INPP4B: variants seen among roughly 807,000 people sequenced by gnomAD.
INPP4B encodes the protein inositol polyphosphate-4-phosphatase type II B, also known as inositol polyphosphate 4-phosphatase type II.
Under a neutral mutation model 122.5 loss-of-function variants are expected in INPP4B, and 55 were observed. That is an observed-to-expected ratio of 0.45 (90% CI 0.36 to 0.56). The LOEUF (loss-of-function observed/expected upper bound fraction) is 0.56. Ranked by LOEUF, INPP4B falls within the 20% of genes least tolerant of loss-of-function variation. The pLI, the probability that INPP4B is intolerant of heterozygous loss-of-function variation, is 0.00. For synonymous variants in INPP4B, 403 were observed against 388.7 expected, an observed-to-expected ratio of 1.04 and a Z score of -0.43; for missense variants, 1,000 against 1,097.7, an observed-to-expected ratio of 0.91 and a Z score of 1.26.
At chr4:142,703,313 C>A (rs1485245611) in intron 2 of INPP4B, among the ~76,000 whole-genome samples, 1 of 152,076 alleles carries the variant, frequency 6.6e-6, no homozygotes, top group Non-Finnish European at 1.5e-5. Flanking sequence ...AAATAGTTTT[C>A]CATTTTTAAA....
chr4:142,040,845 GTTTGTCATTCTCC>G (rs1747001853), intron 25 of INPP4B, among the ~76,000 whole-genome samples: 1 of 152,156 alleles, frequency 6.6e-6, no homozygotes, highest in African/African-American at 2.4e-5. Context: ...CACTGCTCTA[GTTTGTCATTCTCC>G]TGGAGTCTGG....
chr4:142,806,509 A>AG (rs944652455), intron 1 of INPP4B, among the ~76,000 whole-genome samples: 1 of 151,878 alleles, frequency 6.6e-6, no homozygotes, highest in South Asian at 2.1e-4. Context: ...TGGGAGGCCA[A>AG]GGGGGGTGAA....
intron 11 of INPP4B, among the ~76,000 whole-genome samples, chr4:142,244,395 G>A (rs1176793405): frequency 6.9e-6 from 1 of 144,088 alleles, no homozygotes; most frequent in Non-Finnish European, 1.5e-5. Flanking sequence ...CGCCTCCTAG[G>A]TTCACGTCAT....
rs1761356231 is a variant in INPP4B, at chr4:142,062,289, C to T, written c.2642+19742G>A. Among the ~76,000 whole-genome samples the T allele has an allele frequency of 2.0e-5, 3 of 149,032 alleles. No individual in the cohort carries two copies. In the South Asian group the frequency reaches 6.2e-4, roughly 31 times the overall value. On this transcript the variant is annotated intron_variant, in intron 25 of 25. Transcript: ENST00000262992. ...CATCATCATCACAGCACCACACCAT[C>T]ATCACAGCACCACACCATCACACCA...
intron 7 of INPP4B, among the ~76,000 whole-genome samples, chr4:142,398,376 T>TAA (rs1183246808): frequency 1.9e-3 from 17 of 8,858 alleles, no homozygotes; most frequent in South Asian, 9.6e-3. Context: ...AGACTCTGTC[T>TAA]AAAAAAAAAA....
intron 2 of INPP4B, among the ~76,000 whole-genome samples, chr4:142,651,237 T>C (rs577016553): frequency 2.0e-4 from 30 of 152,226 alleles, no homozygotes; most frequent in Admixed American, 1.8e-3. Context: ...GGAGGAAAAT[T>C]TATAGCACTA....
chr4:142,149,760 C>T (rs544070789), intron 17 of INPP4B, among the ~76,000 whole-genome samples: 1 of 152,216 alleles, frequency 6.6e-6, no homozygotes, highest in African/African-American at 2.4e-5. Flanking sequence ...GTCTTATAAG[C>T]AGGGATAGAG....
At position 142,170,221 on chromosome 4, in the gene INPP4B, C is replaced by T. The variant is rs985328818; in HGVS notation, c.1359+3411G>A. On this transcript the variant is annotated intron_variant, in intron 16 of 25. Coordinates refer to ENST00000262992, the MANE Select transcript of INPP4B (RefSeq NM_001101669.3). Reference sequence around the variant, plus strand: ...GCTTGGCTTTTGTTAGATTCTTACACCATAAGATTATACTATTCTTTAATA... The same window carrying T: ...GCTTGGCTTTTGTTAGATTCTTACATCATAAGATTATACTATTCTTTAATA... 2.6e-5 allele frequency among the ~76,000 whole-genome samples: 4 copies of T among 151,520 alleles called. No individual in the cohort carries two copies. In the South Asian group the frequency reaches 8.3e-4, roughly 31 times the overall value.
At chr4:142,783,037 G>A (rs1252794434) in intron 1 of INPP4B, among the ~76,000 whole-genome samples, 15 of 151,840 alleles carry the variant, frequency 9.9e-5, no homozygotes, top group South Asian at 2.1e-4. Flanking sequence ...AGACTTAAAC[G>A]TTAGACCTAA....
chr4:142,445,146 C>G (rs1442056548), intron 3 of INPP4B, among the ~76,000 whole-genome samples: 4 of 151,882 alleles, frequency 2.6e-5, no homozygotes, highest in Admixed American at 2.6e-4. Context: ...CAAACCTACA[C>G]GTTCTGCACA....
chr4:142,098,668 T>C (rs1783136855), intron 23 of INPP4B, among the ~76,000 whole-genome samples: 1 of 152,006 alleles, frequency 6.6e-6, no homozygotes, highest in African/African-American at 2.4e-5. Context: ...AGGGTGGCTA[T>C]TTTTTTCCCC....
chr4:142,846,422 G>C (rs913665478), upstream of INPP4B: 1 of 152,384 alleles, frequency 6.6e-6, no homozygotes, highest in Non-Finnish European at 1.5e-5. The surrounding 1 kb of genome is among the most constrained non-coding windows in gnomAD (Gnocchi z 5.1). Flanking sequence ...GCTTCGCGAG[G>C]CTCCAGCAGC....
At chr4:142,628,193 A>T (rs1246743721) in intron 2 of INPP4B, among the ~76,000 whole-genome samples, 2 of 149,948 alleles carry the variant, frequency 1.3e-5, no homozygotes, top group African/African-American at 4.9e-5. Flanking sequence ...TGGATTAAGA[A>T]AATGTGGCAC....
At chr4:142,692,897 A>G (rs969781082) in intron 2 of INPP4B, among the ~76,000 whole-genome samples, 2 of 149,938 alleles carry the variant, frequency 1.3e-5, no homozygotes, top group African/African-American at 4.9e-5. Flanking sequence ...ATTAAAACCT[A>G]TATTTAGGCT....
intron 1 of INPP4B, among the ~76,000 whole-genome samples, chr4:142,737,691 G>T (rs1767176506): frequency 6.6e-6 from 1 of 151,890 alleles, no homozygotes; most frequent in South Asian, 2.1e-4. Context: ...CAGAATGGGA[G>T]AAAATTTTTA....
At chr4:142,084,944 A>G (rs1463678589) in intron 24 of INPP4B, among the ~76,000 whole-genome samples, 1 of 152,188 alleles carries the variant, frequency 6.6e-6, no homozygotes, top group Non-Finnish European at 1.5e-5. Flanking sequence ...TTTATGACCT[A>G]CCATTGTGAA....
chr4:142,524,964 G>A (rs1455325347), intron 2 of INPP4B, among the ~76,000 whole-genome samples: 1 of 152,038 alleles, frequency 6.6e-6, no homozygotes, highest in African/African-American at 2.4e-5. Flanking sequence ...GTTTGCAGAC[G>A]ACATGATTGT....
At position 142,548,108 on chromosome 4, in the gene INPP4B, G is replaced by GTCT. The variant is rs2150064740; in HGVS notation, c.-190-85383_-190-85382insAGA. On this transcript the variant is annotated intron_variant, in intron 2 of 25. Coordinates refer to ENST00000262992, the MANE Select transcript of INPP4B (RefSeq NM_001101669.3). ...GTTAAGCTTGGAGAGAAGCCCAAAT[G>GTCT]AACAGCTTTGAAAGTAGACAATCTC... 2.0e-5 allele frequency among the ~76,000 whole-genome samples: 3 copies of GTCT among 152,274 alleles called. No homozygotes were observed. The South Asian group carries it at 6.2e-4, about 32-fold the overall frequency.
At chr4:142,268,859 A>G (rs1280997917) in intron 10 of INPP4B, among the ~76,000 whole-genome samples, 2 of 152,186 alleles carry the variant, frequency 1.3e-5, no homozygotes, top group Non-Finnish European at 2.9e-5. Flanking sequence ...GAACTGAAAC[A>G]CACAAAAAAC....
Sources: gnomAD v4.1 joint callset for allele counts (sites outside exome capture counted in the v4.1 genomes callset) on GRCh38, gnomAD v4.1.1 for gene constraint, Gnocchi (gnomAD v3.1) non-coding constraint, MANE v1.5 for transcripts, NCBI Gene and HGNC (gene_info 2026-07-23, HGNC 2026-07-21) for gene names.